ZNF654: variants seen among roughly 807,000 people sequenced by gnomAD.
ZNF654 encodes melanoma-associated antigen.
Under a neutral mutation model 95.3 loss-of-function variants are expected in ZNF654, and 19 were observed. That is an observed-to-expected ratio of 0.20 (90% CI 0.14 to 0.29). The LOEUF (loss-of-function observed/expected upper bound fraction) is 0.29. ZNF654 is among the 10% of genes least tolerant of loss of function. The pLI is 1.00. For synonymous variants in ZNF654, 413 were observed against 457.9 expected (o/e 0.90, Z 1.25); for missense variants, 1,046 against 1,341.0 (o/e 0.78, Z 3.44).
chr3:88,074,727 T>C (rs1707706874), intron 1 of ZNF654, among the ~76,000 whole-genome samples: 1 of 152,200 alleles, frequency 6.6e-6, no homozygotes, highest in Non-Finnish European at 1.5e-5. Flanking sequence ...AATTTAGAAA[T>C]ATACTAATAT....
intron 1 of ZNF654, among the ~76,000 whole-genome samples, chr3:88,083,121 C>T (rs1162570167): frequency 1.3e-5 from 2 of 152,004 alleles, no homozygotes; most frequent in South Asian, 2.1e-4. Context: ...AGGACTTCAC[C>T]TTTATGACCT....
Position 88,095,601 on chromosome 3 carries a change from A to G in ZNF654, c.332+9199A>G, listed in dbSNP as rs563095531. On this transcript the variant is annotated intron_variant, in intron 2 of 8. Coordinates refer to ENST00000636215, the MANE Select transcript of ZNF654 (RefSeq NM_001350134.2). The stretch of plus-strand genomic sequence containing the variant: ...ATTGCCACAGGAATCTGTTGCCCCA[A>G]TGATCTTTTCTGGTTCTAGTCTTAT... The G allele has an allele frequency of 1.7e-4, 88 of 520,772 alleles. 1 individual carries two copies. Among genetic ancestry groups the G allele is most frequent in the South Asian group, 8.2e-4 (58 of 70,788 alleles). The allele number at this position is 520,772 out of a possible 1,614,324, so 32.3% of individuals were successfully genotyped here.
chr3:88,134,662 A>G (rs1470568302), intron 6 of ZNF654, among the ~76,000 whole-genome samples: 2 of 152,142 alleles, frequency 1.3e-5, no homozygotes, highest in Non-Finnish European at 2.9e-5. Flanking sequence ...AATGAAAAAT[A>G]TGAACCATTT....
chr3:88,079,202 A>G (rs1417476064), intron 1 of ZNF654, among the ~76,000 whole-genome samples: 61 of 152,104 alleles, frequency 4.0e-4, no homozygotes, highest in Admixed American at 4.0e-3. Context: ...TAGTCCAACT[A>G]ATTCTGACTA....
rs78670676 is a variant in ZNF654, at chr3:88,083,941, T to TTATATATATATATA, written c.187-2303_187-2290dup. Among the ~76,000 whole-genome samples, 394 of 147,732 alleles carry TTATATATATATATA rather than the reference T, an allele frequency of 2.7e-3. 2 individuals carry two copies. Among genetic ancestry groups the TTATATATATATATA allele is most frequent in the African/African-American group, 5.7e-3 (230 of 40,106 alleles). ...AATAGGACAATGTAATGTACTTATT[T>TTATATATATATATA]TATATATATATATATATATATATAT... On this transcript the variant is annotated intron_variant, in intron 1 of 8. Transcript: ENST00000636215.
Position 88,068,330 on chromosome 3 carries a change from C to T in ZNF654, c.186+8825C>T, listed in dbSNP as rs74860671. 6.9e-3 allele frequency among the ~76,000 whole-genome samples: 1,042 copies of T among 151,958 alleles called. 7 individuals carry two copies. The highest frequency in any genetic ancestry group is 0.017 in the Middle Eastern group (5 of 294). On this transcript the variant is annotated intron_variant, in intron 1 of 8. Transcript: ENST00000636215. Reference sequence around the variant, plus strand: ...AGACAGAAAGGGACAGGTTCATTTTCGGGCTCCACTTGTGGCAAAACATAG... The same window carrying T: ...AGACAGAAAGGGACAGGTTCATTTTTGGGCTCCACTTGTGGCAAAACATAG...
chr3:88,081,240 T>G (rs1458338589), intron 1 of ZNF654, among the ~76,000 whole-genome samples: 1 of 152,214 alleles, frequency 6.6e-6, no homozygotes, highest in East Asian at 1.9e-4. Context: ...GATGATAATG[T>G]ATTTTATTAT....
intron 2 of ZNF654, among the ~76,000 whole-genome samples, chr3:88,096,774 A>G (rs7626777): frequency 0.78 from 119,056 of 151,940 alleles, 47,558 homozygotes; most frequent in South Asian, 0.91. Context: ...GGCGTATACA[A>G]TGAGATACCC....
chr3:88,133,098 T>C (rs1706562333), intron 6 of ZNF654, among the ~76,000 whole-genome samples: 1 of 152,188 alleles, frequency 6.6e-6, no homozygotes, highest in Non-Finnish European at 1.5e-5. Context: ...CTTAATAGTT[T>C]AGAGTTGAGA....
intron 7 of ZNF654, among the ~76,000 whole-genome samples, chr3:88,137,785 T>C (rs751877932): frequency 1.3e-5 from 2 of 152,102 alleles, no homozygotes; most frequent in Non-Finnish European, 2.9e-5. Flanking sequence ...GTGGGAACTG[T>C]AAGTAGTTCT....
At position 88,128,840 on chromosome 3, in the gene ZNF654, G is replaced by C. The variant is rs1464384793; in HGVS notation, c.582G>C (p.Leu194=). The change falls in exon 5 of 9, where the codon CTG becomes CTC. Residue 194 remains leucine, a synonymous_variant. Transcript: ENST00000636215. ...VNKYLSSENP[L]FFELRARYLI... ...AATATTTAAGTTCTGAAAATCCACTGTTCTTTGAACTACGTGCCAGATACC... is the reference window on the plus strand; with the variant it reads ...AATATTTAAGTTCTGAAAATCCACTCTTCTTTGAACTACGTGCCAGATACC... 1 of 1,535,272 alleles carries C rather than the reference G, an allele frequency of 6.5e-7. No individual in the cohort carries two copies. Among genetic ancestry groups the C allele is most frequent in the South Asian group, 1.2e-5 (1 of 84,012 alleles).
At chr3:88,119,345 T>C (rs13072533) in intron 3 of ZNF654, among the ~76,000 whole-genome samples, 92,438 of 119,268 alleles carry the variant, frequency 0.78, 36,277 homozygotes, top group South Asian at 0.9. Context: ...TGAGAACACA[T>C]GGACATAGGA....
At chr3:88,120,879 A>G (rs1035273016) in intron 3 of ZNF654, among the ~76,000 whole-genome samples, 2 of 152,126 alleles carry the variant, frequency 1.3e-5, no homozygotes, top group Non-Finnish European at 2.9e-5. Flanking sequence ...AGTAATTCAA[A>G]GTCTGATTTT....
intron 1 of ZNF654, among the ~76,000 whole-genome samples, chr3:88,076,434 T>G (rs1413423345): frequency 6.6e-6 from 1 of 152,202 alleles, no homozygotes; most frequent in Non-Finnish European, 1.5e-5. Context: ...TTTTCTTTTT[T>G]GATATCTGTC....
chr3:88,128,168 C>A (rs1003139780), intron 4 of ZNF654, among the ~76,000 whole-genome samples: 2 of 151,780 alleles, frequency 1.3e-5, no homozygotes, highest in Non-Finnish European at 2.9e-5. Context: ...GTTGTTAGGT[C>A]TAAATAAATT....
intron 4 of ZNF654, among the ~76,000 whole-genome samples, chr3:88,127,557 T>C (rs1314438325): frequency 6.6e-6 from 1 of 151,740 alleles, no homozygotes; most frequent in Non-Finnish European, 1.5e-5. Flanking sequence ...CTAGAGGAAA[T>C]TATGAGGAGA....
At chr3:88,078,328 G>A (rs1158318346) in intron 1 of ZNF654, among the ~76,000 whole-genome samples, 3 of 152,070 alleles carry the variant, frequency 2.0e-5, no homozygotes, top group African/African-American at 7.2e-5. Context: ...TTCTAACAAG[G>A]TGAATGATTT....
Position 88,138,858 on chromosome 3 carries a change from T to G in ZNF654, c.1189T>G (p.Ser397Ala). ...GGAGATCCTCAGGATTTGTGCACTC[T>G]CAATATTTTTTCTGGAGCGCTCCTT... is the stretch of plus-strand genomic sequence containing the variant. Reference protein sequence around the residue: ...DLEILRICALSIFFLERSLEA... With the variant: ...DLEILRICALAIFFLERSLEA... The change falls in exon 8 of 9, where the codon TCA becomes GCA. Residue 397 changes from serine to alanine, a missense_variant. By Grantham distance (99) the Ser-to-Ala change is moderately conservative. This residue lies in a region of ZNF654 where 78 missense variants were observed against 154.2 expected (regional missense o/e 0.51). Transcript: ENST00000636215. 8.1e-7 allele frequency: 1 copy of G among 1,232,094 alleles called. No homozygotes were observed. Among genetic ancestry groups the G allele is most frequent in the Non-Finnish European group, 1.0e-6 (1 of 987,950 alleles). The allele number at this position is 1,232,094 out of a possible 1,614,324, so 76.3% of individuals were successfully genotyped here. A position where few individuals can be genotyped will look rare whatever the true frequency, so the allele number is the denominator to read the frequency against.
chr3:88,111,762 T>C (rs757604789), intron 2 of ZNF654, among the ~76,000 whole-genome samples: 2 of 151,992 alleles, frequency 1.3e-5, no homozygotes, highest in Admixed American at 1.3e-4. Context: ...GTGATGAGTA[T>C]AGGAACATTT....
Sources: allele counts gnomAD v4.1 joint callset (sites outside exome capture counted in the v4.1 genomes callset), GRCh38; gene constraint gnomAD v4.1.1; regional missense constraint gnomAD v4.1.1; transcripts MANE v1.5; gene names NCBI Gene and HGNC (gene_info 2026-07-23, HGNC 2026-07-21).